FHOD3: variants seen among roughly 807,000 people sequenced by gnomAD.
FHOD3 encodes the protein formin homology 2 domain containing 3.
In FHOD3, 90 loss-of-function variants were observed where a neutral mutation model predicts 173.0. The ratio of observed to expected loss-of-function variants is 0.52; its 90% CI spans 0.44 to 0.62. FHOD3 has a LOEUF of 0.62. FHOD3 is among the 20% of genes least tolerant of loss of function. FHOD3 has a pLI of 0.00. For synonymous variants in FHOD3, 828 were observed against 823.0 expected (o/e 1.01, Z -0.10); for missense variants, 1,945 against 2,034.7 (o/e 0.96, Z 0.85).
intron 19 of FHOD3, 81 bp downstream of exon 19, chr18:36,718,796 GC>G: frequency 1.3e-6 from 2 of 1,516,364 alleles, no homozygotes; most frequent in Non-Finnish European, 1.8e-6. Flanking sequence ...ATACTATTTT[GC>G]ATTGCTTTTG....
At chr18:36,472,336 G>A (rs1251612651) in intron 3 of FHOD3, among the ~76,000 whole-genome samples, 2 of 152,100 alleles carry the variant, frequency 1.3e-5, no homozygotes, top group Non-Finnish European at 2.9e-5. Context: ...TTATGGATGA[G>A]AAAAAACCAA....
At chr18:36,433,586 T>TG (rs2050666778) in intron 3 of FHOD3, among the ~76,000 whole-genome samples, 1 of 152,242 alleles carries the variant, frequency 6.6e-6, no homozygotes, top group African/African-American at 2.4e-5. Flanking sequence ...AAATCACTGC[T>TG]GATTGGAGAA....
chr18:36,714,026 A>G (rs77111124), intron 18 of FHOD3, among the ~76,000 whole-genome samples: 1,793 of 135,538 alleles, frequency 0.013, 25 homozygotes, highest in African/African-American at 0.041. Context: ...AAGTTGGGGG[A>G]AAAAGTCTGT....
intron 14 of FHOD3, among the ~76,000 whole-genome samples, chr18:36,680,500 C>T (rs2038162080): frequency 6.6e-6 from 1 of 152,156 alleles, no homozygotes; most frequent in African/African-American, 2.4e-5. Flanking sequence ...AGATTTTATT[C>T]TCCAGAGATC....
intron 24 of FHOD3, among the ~76,000 whole-genome samples, chr18:36,749,433 G>T (rs535811068): frequency 6.6e-6 from 1 of 152,112 alleles, no homozygotes; most frequent in Non-Finnish European, 1.5e-5. Context: ...TGTGATATTT[G>T]GTTTTCTGTT....
At chr18:36,509,442 GA>G (rs60899667) in intron 4 of FHOD3, among the ~76,000 whole-genome samples, 5 of 60,488 alleles carry the variant, frequency 8.3e-5, no homozygotes, top group Non-Finnish European at 2.3e-4. Context: ...AAAAAAAAAA[GA>G]AAAAAAAAAG....
chr18:36,478,516 AT>A (rs1024344085), intron 3 of FHOD3, among the ~76,000 whole-genome samples: 9 of 145,648 alleles, frequency 6.2e-5, no homozygotes, highest in Non-Finnish European at 1.4e-4. Context: ...CATTCTTTCT[AT>A]TTTTTTTGTA....
chr18:36,571,913 T>C (rs1219114372), intron 5 of FHOD3, among the ~76,000 whole-genome samples: 1 of 152,212 alleles, frequency 6.6e-6, no homozygotes, highest in East Asian at 1.9e-4. Flanking sequence ...GAGAAAATCT[T>C]TGTGACTTCT....
chr18:36,541,649 T>G (rs918169651), intron 5 of FHOD3, among the ~76,000 whole-genome samples: 5 of 152,180 alleles, frequency 3.3e-5, no homozygotes, highest in Admixed American at 2.0e-4. Flanking sequence ...AAGTGGAAAG[T>G]GAGTAGTCAG....
In FHOD3 at chr18:36,616,722, T is replaced by G. The variant is rs1475902505; in HGVS notation, c.957+4627T>G. On this transcript the variant is annotated intron_variant, in intron 9 of 28. Transcript: ENST00000590592. ...CATCCTACTACTCCTATCCCCAGTA[T>G]TCTCTTGCTTTCTTTAAAAATAATT... is the stretch of plus-strand genomic sequence containing the variant. Among the ~76,000 whole-genome samples, 4 of 152,368 alleles carry G rather than the reference T, an allele frequency of 2.6e-5. No homozygotes were observed. The South Asian group carries it at 6.2e-4, about 24-fold the overall frequency.
At chr18:36,357,434 G>A (rs1455814833) in intron 2 of FHOD3, among the ~76,000 whole-genome samples, 1 of 152,156 alleles carries the variant, frequency 6.6e-6, no homozygotes, top group African/African-American at 2.4e-5. Flanking sequence ...GAATAGCATG[G>A]CCATGCGCAC....
chr18:36,762,524 C>T (rs1007801513), intron 27 of FHOD3, among the ~76,000 whole-genome samples: 1 of 152,268 alleles, frequency 6.6e-6, no homozygotes, highest in Admixed American at 6.5e-5. Flanking sequence ...CAGCCGGGCA[C>T]GGTGGCTCAC....
At chr18:36,556,383 G>A (rs565159484) in intron 5 of FHOD3, among the ~76,000 whole-genome samples, 1 of 152,264 alleles carries the variant, frequency 6.6e-6, no homozygotes, top group East Asian at 1.9e-4. Flanking sequence ...AACCCACATG[G>A]AGAGAGGGTC....
chr18:36,747,535 C>T (rs998838822), intron 24 of FHOD3, among the ~76,000 whole-genome samples: 2 of 152,248 alleles, frequency 1.3e-5, no homozygotes, highest in Non-Finnish European at 2.9e-5. Context: ...AGCTGGCCTT[C>T]GGAGGACCTT....
chr18:36,369,287 G>C (rs1196597092), intron 2 of FHOD3, among the ~76,000 whole-genome samples: 1 of 152,112 alleles, frequency 6.6e-6, no homozygotes, highest in African/African-American at 2.4e-5. Flanking sequence ...AGAATCAGTG[G>C]TAGCAGGGAA....
At position 36,755,156 on chromosome 18, in the gene FHOD3, T is replaced by A. The variant is rs753641918; in HGVS notation, c.4270T>A (p.Tyr1424Asn). 19 of 1,611,988 alleles carry A rather than the reference T, an allele frequency of 1.2e-5. No homozygotes were observed. In the East Asian group the frequency reaches 4.2e-4, roughly 36 times the overall value. The change falls in exon 25 of 29, where the codon TAT (tyrosine) becomes AAT (asparagine). Residue 1424 changes from tyrosine (Y) to asparagine (N), a missense_variant. Tyr to Asn is a moderately radical substitution (Grantham distance 143, BLOSUM62 -2). Transcript: ENST00000590592. ...TTTACTCTTTATGGGCCATCCACCT[T>A]ATGCAATTCGGGAAGTGAACATAAA... ...SFLLFMGHPP[Y>N]AIREVNINKF...
rs770054401 is a variant in FHOD3 at position 36,717,924 on chromosome 18, G to A, written c.2626G>A (p.Ala876Thr). 2.5e-6 allele frequency: 4 copies of A among 1,613,862 alleles called. No homozygotes were observed. Among genetic ancestry groups the A allele is most frequent in the Non-Finnish European group, 3.4e-6 (4 of 1,179,962 alleles). ...NKRFMLDMLY[A>T]HNRKSPDDEE... ...ACGGTTCATGCTTGACATGCTGTATGCCCATAACAGGAAGTCTCCGGATGA... is the reference window on the plus strand; with the variant it reads ...ACGGTTCATGCTTGACATGCTGTATACCCATAACAGGAAGTCTCCGGATGA... The change falls in exon 19 of 29, where the codon GCC becomes ACC. Residue 876 changes from alanine (A) to threonine (T), a missense_variant. Physicochemically the swap from Ala to Thr is moderately conservative, Grantham distance 58 (BLOSUM62 0). Transcript: ENST00000590592.
At chr18:36,372,639 T>C (rs749952164) in intron 2 of FHOD3, 41 bp from the exon 3 acceptor site, 1 of 1,579,460 alleles carries the variant, frequency 6.3e-7, no homozygotes, top group South Asian at 1.1e-5. Context: ...GTGTCTCTGC[T>C]GACTCCTCTG....
At chr18:36,722,732 G>A (rs1042401112) in intron 19 of FHOD3, among the ~76,000 whole-genome samples, 1 of 152,034 alleles carries the variant, frequency 6.6e-6, no homozygotes, top group Non-Finnish European at 1.5e-5. Flanking sequence ...AGCTTCCCAA[G>A]TATATTTTTA....
Sources: gnomAD v4.1 joint callset for allele counts (sites outside exome capture counted in the v4.1 genomes callset) on GRCh38, gnomAD v4.1.1 for gene constraint, MANE v1.5 for transcripts, NCBI Gene and HGNC (gene_info 2026-07-23, HGNC 2026-07-21) for gene names.